Variants in CDYL observed in about 807,000 individuals in gnomAD.
CDYL encodes the protein chromodomain Y-like protein.
In CDYL, 8 loss-of-function variants were observed where a neutral mutation model predicts 47.3. The observed-to-expected ratio is 0.17, with a 90% CI of 0.10 to 0.31. The LOEUF is 0.31. Among genes scored for constraint, CDYL ranks in the 10% least tolerant of loss-of-function variants. The pLI, the probability that CDYL is intolerant of heterozygous loss-of-function variation, is 1.00. For synonymous variants in CDYL, 266 were observed against 265.0 expected, an observed-to-expected ratio of 1.00 and a Z score of -0.04; for missense variants, 471 against 701.4, an observed-to-expected ratio of 0.67 and a Z score of 3.71.
At chr6:4,897,520 A>G (rs756604138) in intron 2 of CDYL, among the ~76,000 whole-genome samples, 27 of 152,344 alleles carry the variant, frequency 1.8e-4, no homozygotes, top group African/African-American at 5.5e-4. Context: ...TCAGGGAAGT[A>G]TAAGAGGCAC....
chr6:4,951,189 G>A (rs795831), intron 5 of CDYL, among the ~76,000 whole-genome samples: 144,786 of 152,182 alleles, frequency 0.95, 69,274 homozygotes, highest in East Asian at 1. Context: ...TCTTTTGGAA[G>A]TGGAAGCCAC....
intron 2 of CDYL, among the ~76,000 whole-genome samples, chr6:4,900,807 A>AGATATAGATATATC (rs1757018536): frequency 4.6e-5 from 4 of 87,908 alleles, no homozygotes; most frequent in African/African-American, 2.0e-4. Context: ...ATATATATAT[A>AGATATAGATATATC]TATATATATA....
chr6:4,896,582 C>T (rs1561695056), intron 2 of CDYL, among the ~76,000 whole-genome samples: 1 of 152,252 alleles, frequency 6.6e-6, no homozygotes, highest in East Asian at 1.9e-4. Context: ...CATATATGGC[C>T]AGAAACACAG....
chr6:4,799,740 A>G (rs1759173692), intron 1 of CDYL, among the ~76,000 whole-genome samples: 1 of 152,220 alleles, frequency 6.6e-6, no homozygotes, highest in Non-Finnish European at 1.5e-5. Flanking sequence ...CGCCCAGCCA[A>G]GATCTCTCAT....
chr6:4,717,540 A>C (rs1757287771), intron 2 of CDYL, among the ~76,000 whole-genome samples: 1 of 151,794 alleles, frequency 6.6e-6, no homozygotes, highest in African/African-American at 2.4e-5. Context: ...CTAAAAAAAA[A>C]ATTAAAAATT....
Position 4,810,542 on chromosome 6 carries a change from T to C in CDYL, c.24+33735T>C, listed in dbSNP as rs150173531. On this transcript the variant is annotated intron_variant, in intron 1 of 6. Transcript: ENST00000397588. The stretch of plus-strand genomic sequence containing the variant: ...ATGAATCCATTTCCACTAAAATCTT[T>C]TTTGTTTTAGTATATAATAAAATCT... Among the ~76,000 whole-genome samples the C allele has an allele frequency of 3.4e-4, 52 of 152,360 alleles. 1 individual carries two copies. Among genetic ancestry groups the C allele is most frequent in the African/African-American group, 1.2e-3 (50 of 41,582 alleles).
intron 1 of CDYL, among the ~76,000 whole-genome samples, chr6:4,803,067 T>G (rs1759270592): frequency 6.6e-6 from 1 of 152,200 alleles, no homozygotes; most frequent in Non-Finnish European, 1.5e-5. Flanking sequence ...GAAGGAGGCT[T>G]TGGCTGGCTA....
At chr6:4,827,754 C>G (rs1760019731) in intron 1 of CDYL, among the ~76,000 whole-genome samples, 1 of 152,098 alleles carries the variant, frequency 6.6e-6, no homozygotes, top group Admixed American at 6.5e-5. Context: ...TTCCCAGGGT[C>G]AAGTGATCTC....
rs543995868 is a variant in CDYL at position 4,809,047 on chromosome 6, C to A, written c.24+32240C>A. 5.3e-5 allele frequency among the ~76,000 whole-genome samples: 8 copies of A among 152,272 alleles called. No individual in the cohort carries two copies. In the South Asian group the frequency reaches 1.4e-3, roughly 28 times the overall value. ...AGCTTTCCCATTCCCATTCTGTACG[C>A]CCTCCACTCCTTTTCTACCCACCCT... On this transcript the variant is annotated intron_variant, in intron 1 of 6. Transcript: ENST00000397588.
rs1758450606 is a variant in CDYL at position 4,776,448 on chromosome 6, C to G, written c.-336C>G. 6.8e-6 allele frequency: 1 copy of G among 146,012 alleles called. No individual in the cohort carries two copies. Among genetic ancestry groups the G allele is most frequent in the South Asian group, 1.9e-4 (1 of 5,344 alleles). The allele number at this position is 146,012 out of a possible 1,614,324, so 9.0% of individuals were successfully genotyped here. A position where few individuals can be genotyped will look rare whatever the true frequency, so the allele number is the denominator to read the frequency against. ...TCTGCACTACACCGGAGAGGGGAGC[C>G]GCGATCCGGCCGCGCCGCCCGCACG... On this transcript the variant is annotated 5_prime_UTR_variant, in exon 1 of 7. Coordinates refer to ENST00000397588, the MANE Select transcript of CDYL (RefSeq NM_004824.4).
At chr6:4,896,034 C>T (rs1051988488) in intron 2 of CDYL, among the ~76,000 whole-genome samples, 2 of 152,212 alleles carry the variant, frequency 1.3e-5, no homozygotes, top group Non-Finnish European at 2.9e-5. Context: ...ATCTCTACCC[C>T]TCTCTCACTT....
intron 1 of CDYL, among the ~76,000 whole-genome samples, chr6:4,860,215 G>A (rs917715646): frequency 5.9e-5 from 9 of 151,996 alleles, no homozygotes; most frequent in African/African-American, 1.9e-4. Flanking sequence ...CATAAGGATC[G>A]TAAGAACAAG....
chr6:4,735,908 G>C (rs1029902413), intron 3 of CDYL, among the ~76,000 whole-genome samples: 13 of 152,162 alleles, frequency 8.5e-5, no homozygotes, highest in South Asian at 6.2e-4. Context: ...CACGTGATGG[G>C]GGGGGGTGGG....
At chr6:4,880,462 A>G (rs808630) in intron 1 of CDYL, among the ~76,000 whole-genome samples, 7,562 of 152,222 alleles carry the variant, frequency 0.05, 610 homozygotes, top group African/African-American at 0.17. Context: ...TGGCTTCACA[A>G]GTTTTGGCTA....
intron 2 of CDYL, among the ~76,000 whole-genome samples, chr6:4,721,126 T>C (rs1396170848): frequency 6.6e-6 from 1 of 152,208 alleles, no homozygotes; most frequent in Non-Finnish European, 1.5e-5. Flanking sequence ...TATCTTTCTA[T>C]TTCTCAGGAT....
intron 2 of CDYL, among the ~76,000 whole-genome samples, chr6:4,910,847 T>TCC (rs750038017): frequency 7.3e-5 from 11 of 150,290 alleles, no homozygotes; most frequent in African/African-American, 2.0e-4. Context: ...TTTTTTTTTT[T>TCC]CCCCAAGACG....
chr6:4,912,094 A>G (rs1421339299), intron 2 of CDYL, among the ~76,000 whole-genome samples: 1 of 152,212 alleles, frequency 6.6e-6, no homozygotes, highest in African/African-American at 2.4e-5. Context: ...GAGCTGTAAA[A>G]TACTCTAAAC....
intron 1 of CDYL, among the ~76,000 whole-genome samples, chr6:4,807,762 CCTGA>C (rs1202473276): frequency 2.0e-5 from 3 of 151,652 alleles, no homozygotes; most frequent in African/African-American, 2.4e-5. Context: ...TGCCACCACA[CCTGA>C]CTAATTTTTA....
chr6:4,707,796 CATTTG>C (rs1757073404), intron 1 of CDYL, among the ~76,000 whole-genome samples: 1 of 152,072 alleles, frequency 6.6e-6, no homozygotes, highest in South Asian at 2.1e-4. Flanking sequence ...TAGGAAACCT[CATTTG>C]TTTTTAACTT....
Sources: allele counts gnomAD v4.1 joint callset (sites outside exome capture counted in the v4.1 genomes callset), GRCh38; gene constraint gnomAD v4.1.1; transcripts MANE v1.5; gene names NCBI Gene and HGNC (gene_info 2026-07-23, HGNC 2026-07-21).